Variants in XKR6 observed in about 807,000 individuals in gnomAD.
The protein encoded by XKR6 is XK related 6.
A neutral mutation model predicts 56.7 loss-of-function variants in XKR6; 22 were observed. The observed-to-expected ratio is 0.39, with a 90% CI of 0.28 to 0.55. The LOEUF (loss-of-function observed/expected upper bound fraction) is 0.55. Ranked by LOEUF, XKR6 falls within the 20% of genes least tolerant of loss-of-function variation. The pLI, the probability that XKR6 is intolerant of heterozygous loss-of-function variation, is 0.66. For missense variants in XKR6, 852 were observed against 889.0 expected (o/e 0.96, Z 0.53); for synonymous variants, 524 against 387.8 (o/e 1.35, Z -4.13).
intron 1 of XKR6, among the ~76,000 whole-genome samples, chr8:11,188,652 G>A (rs1212854105): frequency 2.6e-5 from 4 of 152,152 alleles, no homozygotes; most frequent in African/African-American, 9.7e-5. Flanking sequence ...TACAGTGTAG[G>A]GTGATTTATT....
intron 1 of XKR6, among the ~76,000 whole-genome samples, chr8:11,007,316 C>T (rs1057046293): frequency 6.6e-6 from 1 of 152,186 alleles, no homozygotes; most frequent in Non-Finnish European, 1.5e-5. Flanking sequence ...AGCCTCTCTT[C>T]AGCATTCAGT....
intron 1 of XKR6, among the ~76,000 whole-genome samples, chr8:11,087,759 C>T (rs1338204210): frequency 2.0e-5 from 3 of 152,206 alleles, no homozygotes; most frequent in Non-Finnish European, 4.4e-5. Context: ...GAGCCCAACC[C>T]ATTCTTCAGT....
At chr8:11,088,089 T>A (rs1168425955) in intron 1 of XKR6, among the ~76,000 whole-genome samples, 2 of 152,220 alleles carry the variant, frequency 1.3e-5, no homozygotes, top group Non-Finnish European at 2.9e-5. Flanking sequence ...AGAATTCAGA[T>A]GGCTGTTTGA....
At position 10,898,621 on chromosome 8, in the gene XKR6, G is replaced by A. The variant is rs752423512; in HGVS notation, c.1257C>T (p.Asn419=). Residue 419 remains asparagine (N), a synonymous_variant, in exon 3 of 3, where the codon AAC becomes AAT. Coordinates refer to ENST00000416569, the MANE Select transcript of XKR6 (RefSeq NM_173683.4). The surrounding 1 kb of genome is among the most constrained non-coding windows in gnomAD (Gnocchi z 6.6). ...CMSKWEEILF[N]MVVGIVYIFC... ...AAATGTACACGATCCCTACCACCAT[G>A]TTGAAGAGGATCTCCTCCCACTTGG... The A allele has an allele frequency of 6.2e-7, 1 of 1,614,056 alleles. No individual in the cohort carries two copies. Among genetic ancestry groups the A allele is most frequent in the African/African-American group, 1.3e-5 (1 of 74,932 alleles).
Position 11,017,206 on chromosome 8 carries a change from A to G in XKR6, c.765-92376T>C, listed in dbSNP as rs147250163. On this transcript the variant is annotated intron_variant, in intron 1 of 2. Coordinates refer to ENST00000416569, the MANE Select transcript of XKR6 (RefSeq NM_173683.4). ...ATATAACATTGTAACACGTATAGAT[A>G]GGCCACAGATAGGTAGGCAGTGGGT... 3.9e-5 allele frequency among the ~76,000 whole-genome samples: 6 copies of G among 152,358 alleles called. No individual in the cohort carries two copies. In the East Asian group the frequency reaches 9.7e-4, roughly 25 times the overall value.
At chr8:11,193,330 T>C (rs1419710228) in intron 1 of XKR6, among the ~76,000 whole-genome samples, 7 of 152,210 alleles carry the variant, frequency 4.6e-5, no homozygotes, top group African/African-American at 1.7e-4. Flanking sequence ...AAGAGGTCAA[T>C]GAGAAGAAAT....
At chr8:10,921,569 CTTCT>C (rs1802055568) in intron 2 of XKR6, among the ~76,000 whole-genome samples, 1 of 152,200 alleles carries the variant, frequency 6.6e-6, no homozygotes, top group Non-Finnish European at 1.5e-5. Flanking sequence ...AGGTATTATT[CTTCT>C]TTCTTCCAGT....
At chr8:11,139,746 G>T (rs563006016) in intron 1 of XKR6, among the ~76,000 whole-genome samples, 1 of 152,322 alleles carries the variant, frequency 6.6e-6, no homozygotes, top group African/African-American at 2.4e-5. Context: ...CTGTAACAGG[G>T]CAGTGTATCT....
In XKR6 at chr8:10,919,717, T is replaced by A. The variant is rs150671196; in HGVS notation, c.961+4917A>T. Among the ~76,000 whole-genome samples, 372 of 152,310 alleles carry A rather than the reference T, an allele frequency of 2.4e-3. 1 individual carries two copies. The highest frequency in any genetic ancestry group is 8.4e-3 in the African/African-American group (350 of 41,578). ...AATCTGCATGCAGCCCTGTCTGACTTTTCCTACTGCACTGGACTGCTTTTC... is the reference window on the plus strand; with the variant it reads ...AATCTGCATGCAGCCCTGTCTGACTATTCCTACTGCACTGGACTGCTTTTC... On this transcript the variant is annotated intron_variant, in intron 2 of 2. Coordinates refer to ENST00000416569, the MANE Select transcript of XKR6 (RefSeq NM_173683.4).
At chr8:11,193,570 C>T (rs905182247) in intron 1 of XKR6, among the ~76,000 whole-genome samples, 2 of 152,062 alleles carry the variant, frequency 1.3e-5, no homozygotes, top group Admixed American at 1.3e-4. Context: ...AGAACTTATA[C>T]CTTAATCTAA....
intron 1 of XKR6, among the ~76,000 whole-genome samples, chr8:10,986,799 T>C (rs1201307086): frequency 6.6e-6 from 1 of 152,090 alleles, no homozygotes; most frequent in Non-Finnish European, 1.5e-5. Context: ...TTTTTTTTTT[T>C]TAAGAGATAG....
intron 1 of XKR6, among the ~76,000 whole-genome samples, chr8:11,041,205 G>C (rs1424895130): frequency 6.6e-6 from 1 of 152,228 alleles, no homozygotes; most frequent in East Asian, 1.9e-4. Flanking sequence ...ATAAAAACTT[G>C]GATGATGCTT....
chr8:11,058,107 T>C (rs1799731896), intron 1 of XKR6, among the ~76,000 whole-genome samples: 1 of 152,214 alleles, frequency 6.6e-6, no homozygotes, highest in Non-Finnish European at 1.5e-5. Context: ...GTCTCCCCCA[T>C]TTGAGTTGTG....
chr8:10,972,764 A>G (rs1802445397), intron 1 of XKR6, among the ~76,000 whole-genome samples: 1 of 152,260 alleles, frequency 6.6e-6, no homozygotes, highest in Non-Finnish European at 1.5e-5. Context: ...TTGCAAGATA[A>G]TAAGACATCT....
At chr8:10,945,078 G>T (rs572268157) in intron 1 of XKR6, among the ~76,000 whole-genome samples, 6 of 152,274 alleles carry the variant, frequency 3.9e-5, no homozygotes, top group African/African-American at 7.2e-5. Context: ...GGAGAGCATT[G>T]CCTGGGTGAA....
intron 1 of XKR6, among the ~76,000 whole-genome samples, chr8:10,939,995 C>T (rs773112908): frequency 6.6e-6 from 1 of 152,216 alleles, no homozygotes; most frequent in Non-Finnish European, 1.5e-5. Flanking sequence ...CTGGCTGCAC[C>T]TGAGAAGCAC....
At chr8:11,109,182 C>T (rs1423946591) in intron 1 of XKR6, 1 of 152,114 alleles carries the variant, frequency 6.6e-6, no homozygotes, top group African/African-American at 2.4e-5. Context: ...TTCTTTGGAA[C>T]CTTATTTCCC....
intron 1 of XKR6, among the ~76,000 whole-genome samples, chr8:11,037,847 G>C (rs1340541748): frequency 1.4e-5 from 2 of 138,102 alleles, no homozygotes; most frequent in Non-Finnish European, 3.0e-5. Flanking sequence ...GACAGAGCGA[G>C]ACTTGGTTTC....
chr8:11,070,400 A>G (rs1367688447), intron 1 of XKR6, among the ~76,000 whole-genome samples: 1 of 152,252 alleles, frequency 6.6e-6, no homozygotes, highest in Non-Finnish European at 1.5e-5. Flanking sequence ...TCACATATGT[A>G]GTCAAGAACC....
Sources: allele counts gnomAD v4.1 joint callset (sites outside exome capture counted in the v4.1 genomes callset), GRCh38; gene constraint gnomAD v4.1.1; non-coding constraint Gnocchi (gnomAD v3.1); transcripts MANE v1.5; gene names NCBI Gene and HGNC (gene_info 2026-07-23, HGNC 2026-07-21).